The following MYOM2 variants were observed in gnomAD, a reference collection of about 807,000 sequenced individuals.
The protein encoded by MYOM2 is myomesin 2, also known as myomesin-2.
Under a neutral mutation model 187.6 loss-of-function variants are expected in MYOM2, and 254 were observed. That is an observed-to-expected ratio of 1.35 (90% confidence interval 1.22 to 1.50). MYOM2 has a LOEUF of 1.50. MYOM2 is among the 40% of genes most tolerant of loss of function. The probability of loss-of-function intolerance (pLI) is 0.00; values close to 1 mark genes in which losing one functional copy is unlikely to be tolerated. For synonymous variants in MYOM2, 981 were observed against 753.8 expected (o/e 1.30, Z -4.94); for missense variants, 2,796 against 1,924.0 (o/e 1.45, Z -8.48).
At chr8:2,092,217 C>T (rs963856390) in intron 15 of MYOM2, 129 bp from the exon 16 acceptor site, 1 of 1,134,320 alleles carries the variant, frequency 8.8e-7, no homozygotes, top group African/African-American at 1.6e-5. Flanking sequence ...TCCTGGACCC[C>T]TTGTCTGAAT....
At chr8:2,108,908 G>T (rs1159022962) in intron 24 of MYOM2, 78 bp downstream of exon 24, 1 of 1,398,882 alleles carries the variant, frequency 7.1e-7, no homozygotes, top group Non-Finnish European at 1.0e-6. Flanking sequence ...ATGAGCTCTT[G>T]GAAGAACAGC....
chr8:2,137,998 T>C (rs550950866), intron 32 of MYOM2, among the ~76,000 whole-genome samples: 1 of 152,310 alleles, frequency 6.6e-6, no homozygotes, highest in South Asian at 2.1e-4. Flanking sequence ...GTGCAAGGTT[T>C]TTCTTTTCTG....
intron 14 of MYOM2, 60 bp from the exon 15 acceptor site, chr8:2,089,948 A>C (rs1024201570): frequency 2.0e-6 from 3 of 1,537,376 alleles, no homozygotes; most frequent in Non-Finnish European, 2.7e-6. Flanking sequence ...TTCCTCCTCC[A>C]CACGCCTCTG....
intron 31 of MYOM2, among the ~76,000 whole-genome samples, chr8:2,127,503 A>G (rs560219172): frequency 3.3e-5 from 5 of 152,294 alleles, no homozygotes; most frequent in African/African-American, 1.2e-4. Flanking sequence ...GTTGTCCCTC[A>G]GGTTCCTGGG....
chr8:2,137,630 CAAGATGACT>C (rs1266814514), intron 32 of MYOM2, among the ~76,000 whole-genome samples: 1 of 152,002 alleles, frequency 6.6e-6, no homozygotes, highest in African/African-American at 2.4e-5. Flanking sequence ...GAGAGGGTGA[CAAGATGACT>C]AAGGCCTATC....
chr8:2,097,644 A>T (rs1432748517), intron 18 of MYOM2, among the ~76,000 whole-genome samples: 2 of 151,978 alleles, frequency 1.3e-5, no homozygotes, highest in Non-Finnish European at 2.9e-5. Flanking sequence ...CCTCCTGAGT[A>T]GCTGGGATTA....
At chr8:2,143,523 T>G in intron 36 of MYOM2, 67 bp downstream of exon 36, 1 of 1,594,192 alleles carries the variant, frequency 6.3e-7, no homozygotes, top group Admixed American at 1.7e-5. Flanking sequence ...CCCCTTCTCT[T>G]GGGGCGGAGC....
At chr8:2,125,525 A>T (rs1378298234) in intron 31 of MYOM2, among the ~76,000 whole-genome samples, 2 of 151,666 alleles carry the variant, frequency 1.3e-5, no homozygotes, top group East Asian at 3.9e-4. Flanking sequence ...CGATGCCTCC[A>T]GCTTTGTTCT....
At chr8:2,109,578 T>G (rs1172684372) in intron 25 of MYOM2, 47 bp downstream of exon 25, 1 of 1,570,394 alleles carries the variant, frequency 6.4e-7, no homozygotes, top group South Asian at 1.2e-5. Context: ...GAGTCCACTT[T>G]TGTTGTGGTA....
rs142861306 is a variant in MYOM2 at position 2,052,202 on chromosome 8, G to A, written c.152G>A (p.Arg51Gln). Reference sequence around the variant, plus strand: ...TCTTCCCAGAAGTCCTTGAGTCAGCGGTCGTCTTCACAGAGAGCCTCCAGC... The same window carrying A: ...TCTTCCCAGAAGTCCTTGAGTCAGCAGTCGTCTTCACAGAGAGCCTCCAGC... Reference protein sequence around the residue: ...QASSQKSLSQRSSSQRASSQT... With the variant: ...QASSQKSLSQQSSSQRASSQT... Residue 51 changes from arginine to glutamine, a missense_variant, in exon 3 of 37, where the codon CGG becomes CAG. By Grantham distance (43) the Arg-to-Gln change is conservative. Coordinates refer to ENST00000262113, the MANE Select transcript of MYOM2 (RefSeq NM_003970.4). 1.4e-4 allele frequency: 229 copies of A among 1,613,350 alleles called. No homozygotes were observed. The highest frequency in any genetic ancestry group is 3.2e-4 in the South Asian group (29 of 90,790).
At chr8:2,057,553 T>C in intron 4 of MYOM2, 67 bp downstream of exon 4, 1 of 1,612,904 alleles carries the variant, frequency 6.2e-7, no homozygotes, top group Non-Finnish European at 8.5e-7. Flanking sequence ...GTCTGCATGG[T>C]GCTTGAGGGG....
At chr8:2,050,444 C>T (rs903896184) in intron 1 of MYOM2, among the ~76,000 whole-genome samples, 1 of 152,194 alleles carries the variant, frequency 6.6e-6, no homozygotes, top group African/African-American at 2.4e-5. Context: ...ACTTATATTG[C>T]TTTGAACTTT....
At chr8:2,100,012 CT>C (rs1209604744) in intron 19 of MYOM2, among the ~76,000 whole-genome samples, 41,508 of 125,460 alleles carry the variant, frequency 0.33, 9,604 homozygotes, top group East Asian at 0.57. Context: ...TCCTTCCTTC[CT>C]TTCTTTCCTT....
chr8:2,079,607 C>T lies in MYOM2; in HGVS notation c.1510C>T (p.Leu504Phe), dbSNP rs1002809624. 3.7e-6 allele frequency: 6 copies of T among 1,613,972 alleles called. No individual in the cohort carries two copies. The highest frequency in any genetic ancestry group is 3.3e-5 in the Admixed American group (2 of 59,998). ...GGAGATTGCCATTTATCAGGATGAC[C>T]TTGAAGGTAAGTAGCACCTCATCAC... ...EKEIAIYQDD[L>F]EGDAQVPGPP... is the part of the protein sequence containing the mutation. Residue 504 changes from leucine (L) to phenylalanine (F), a missense_variant, in exon 13 of 37, where the codon CTT becomes TTT. Transcript: ENST00000262113.
At chr8:2,122,959 A>G (rs369836107) in intron 28 of MYOM2, among the ~76,000 whole-genome samples, 1 of 111,206 alleles carries the variant, frequency 9.0e-6, no homozygotes, top group South Asian at 2.9e-4. Context: ...GACATTTCAT[A>G]TAGACCAAAA....
intron 6 of MYOM2, among the ~76,000 whole-genome samples, chr8:2,060,684 G>A (rs1818823155): frequency 1.3e-5 from 2 of 152,190 alleles, no homozygotes; most frequent in Non-Finnish European, 2.9e-5. Context: ...GAACACAAAT[G>A]TTGATTGATC....
At chr8:2,105,977 G>A (rs1479034312) in intron 21 of MYOM2, among the ~76,000 whole-genome samples, 5 of 152,150 alleles carry the variant, frequency 3.3e-5, no homozygotes, top group Admixed American at 1.3e-4. Context: ...TTCACAGGGC[G>A]GCAGGACAGA....
intron 3 of MYOM2, among the ~76,000 whole-genome samples, chr8:2,056,676 A>G (rs539572428): frequency 6.6e-6 from 1 of 152,294 alleles, no homozygotes; most frequent in African/African-American, 2.4e-5. Context: ...TCTCAGGAAA[A>G]TAAATGGCTT....
At chr8:2,115,085 T>C (rs1797194607) in intron 25 of MYOM2, among the ~76,000 whole-genome samples, 1 of 151,392 alleles carries the variant, frequency 6.6e-6, no homozygotes, top group Admixed American at 6.6e-5. Context: ...ATTTAAGTAT[T>C]AATATTAATT....
Sources: gnomAD v4.1 joint callset for allele counts (sites outside exome capture counted in the v4.1 genomes callset) on GRCh38, gnomAD v4.1.1 for gene constraint, MANE v1.5 for transcripts, NCBI Gene and HGNC (gene_info 2026-07-23, HGNC 2026-07-21) for gene names.